Variants in ACSM3 observed in about 807,000 individuals in gnomAD.
ACSM3 encodes acyl-CoA synthetase medium chain family member 3.
ACSM3 carries 61 observed loss-of-function variants against 74.1 expected under a neutral mutation model. The ratio of observed to expected loss-of-function variants is 0.82; its 90% CI spans 0.67 to 1.02. The LOEUF is 1.02. Ranked by LOEUF, ACSM3 falls within the 50% of genes least tolerant of loss-of-function variation. The probability of loss-of-function intolerance (pLI) is 0.00; values close to 1 mark genes in which losing one functional copy is unlikely to be tolerated. For missense variants in ACSM3, 660 were observed against 697.0 expected (o/e 0.95, Z 0.60); for synonymous variants, 213 against 241.5 (o/e 0.88, Z 1.09).
intron 2 of ACSM3, among the ~76,000 whole-genome samples, chr16:20,771,820 C>T (rs953541216): frequency 2.0e-5 from 3 of 152,112 alleles, no homozygotes; most frequent in Non-Finnish European, 4.4e-5. Flanking sequence ...ATATTGTTTT[C>T]TGCAATGGCT....
chr16:20,718,024 AAGAAAAGAAAG>A (rs1289996349), intron 1 of ACSM3, among the ~76,000 whole-genome samples: 3 of 149,076 alleles, frequency 2.0e-5, no homozygotes, highest in African/African-American at 7.6e-5. Flanking sequence ...GAAGAAGAAG[AAGAAAAGAAAG>A]AAGAAGAAGA....
chr16:20,685,288 G>A, intron 1 of ACSM3: 1 of 1,614,220 alleles, frequency 6.2e-7, no homozygotes. Context: ...ACAGGTCTGT[G>A]TGAAGACGTT....
At chr16:20,739,813 T>A (rs2079901961) in intron 1 of ACSM3, among the ~76,000 whole-genome samples, 1 of 141,168 alleles carries the variant, frequency 7.1e-6, no homozygotes, top group South Asian at 2.3e-4. Flanking sequence ...AGAGCAAGAC[T>A]CTGTCTCAAA....
intron 1 of ACSM3, chr16:20,720,888 T>G (rs1193591977): frequency 6.6e-6 from 1 of 152,202 alleles, no homozygotes; most frequent in Non-Finnish European, 1.5e-5. Context: ...ACTTACAGAT[T>G]AAACATTTTT....
rs957872724 is a variant in ACSM3 at position 20,727,396 on chromosome 16, C to T, written c.-189-22514C>T. ...TTGACAGGAGGGGAGGCCCTCACCC[C>T]GGAGGTGCTGGAGCAGTGGAGGGCA... On this transcript the variant is annotated intron_variant, in intron 1 of 3. Transcript: ENST00000561584. The T allele has an allele frequency of 3.3e-5, 19 of 569,772 alleles. No individual in the cohort carries two copies. In the East Asian group the frequency reaches 4.3e-4, roughly 13 times the overall value. 35.3% of individuals were successfully genotyped at this position (569,772 alleles called of 1,614,324 possible). A position where few individuals can be genotyped will look rare whatever the true frequency, so the allele number is the denominator to read the frequency against.
chr16:20,792,022 T>C lies in ACSM3; in HGVS notation c.1347T>C (p.Ala449=), dbSNP rs769936361. ...TGCAGGATAATCCTTCAAAAACAGCTTCAACTCTACGAGGCAATTTCTATA... is the reference window on the plus strand; with the variant it reads ...TGCAGGATAATCCTTCAAAAACAGCCTCAACTCTACGAGGCAATTTCTATA... The part of the protein sequence containing the change: ...THYVDNPSKT[A]STLRGNFYIT... The change falls in exon 11 of 14, where the codon GCT becomes GCC. Residue 449 remains alanine (A), a synonymous_variant. Transcript: ENST00000289416. 1 of 1,614,086 alleles carries C rather than the reference T, an allele frequency of 6.2e-7. No individual in the cohort carries two copies. Among genetic ancestry groups the C allele is most frequent in the Non-Finnish European group, 8.5e-7 (1 of 1,179,972 alleles).
At chr16:20,795,273 G>A (rs1198514217) in intron 12 of ACSM3, among the ~76,000 whole-genome samples, 1 of 151,924 alleles carries the variant, frequency 6.6e-6, no homozygotes, top group African/African-American at 2.4e-5. Context: ...CTCCCACCTC[G>A]GCCTCCCAAA....
intron 1 of ACSM3, chr16:20,735,664 T>G (rs1195252391): frequency 6.6e-6 from 1 of 152,148 alleles, no homozygotes; most frequent in Non-Finnish European, 1.5e-5. Flanking sequence ...TCTGGCAGGC[T>G]CCTAGCAATA....
chr16:20,695,590 C>A (rs1435715370), intron 1 of ACSM3, among the ~76,000 whole-genome samples: 3 of 151,986 alleles, frequency 2.0e-5, no homozygotes, highest in African/African-American at 7.3e-5. Context: ...TATCTATTAT[C>A]TATCTATCAT....
At chr16:20,752,000 T>C (rs2079992200) in intron 2 of ACSM3, among the ~76,000 whole-genome samples, 1 of 152,090 alleles carries the variant, frequency 6.6e-6, no homozygotes, top group South Asian at 2.1e-4. Context: ...GGATATATAG[T>C]ACTACTTAGC....
rs576055444 is a variant in ACSM3, at chr16:20,793,836, T to C, written c.1554+1501T>C. On this transcript the variant is annotated intron_variant, in intron 12 of 13. Transcript: ENST00000289416. ...CTCCCCTACCATTAGTCATCATCAG[T>C]TTTACCCACCTAGACAGGTGCTTAC... Among the ~76,000 whole-genome samples the C allele has an allele frequency of 8.5e-5, 13 of 152,278 alleles. No homozygotes were observed. The South Asian group carries it at 2.7e-3, about 32-fold the overall frequency.
intron 1 of ACSM3, chr16:20,703,285 T>C (rs1046797275): frequency 2.6e-5 from 4 of 152,214 alleles, no homozygotes; most frequent in Admixed American, 2.0e-4. Flanking sequence ...AGGATTGTCT[T>C]GGCTATATGG....
At chr16:20,709,264 G>GA (rs1596482439) in intron 1 of ACSM3, among the ~76,000 whole-genome samples, 1 of 151,696 alleles carries the variant, frequency 6.6e-6, no homozygotes, top group East Asian at 1.9e-4. Context: ...AAAAAAGAAA[G>GA]AAAAAAATGA....
intron 1 of ACSM3, chr16:20,711,509 C>CA: frequency 7.1e-7 from 1 of 1,407,728 alleles, no homozygotes; most frequent in Non-Finnish European, 9.7e-7. Context: ...CAGCTGACAG[C>CA]AAAATATATC....
chr16:20,705,863 G>A (rs968667571), intron 1 of ACSM3, among the ~76,000 whole-genome samples: 2 of 152,062 alleles, frequency 1.3e-5, no homozygotes, highest in African/African-American at 2.4e-5. Context: ...TGTTCAATAT[G>A]AACAATAAAA....
rs754246453 is a variant in ACSM3 at position 20,777,594 on chromosome 16, CTTG to C, written c.638+19_638+21del. The C allele has an allele frequency of 7.4e-4, 1,186 of 1,605,246 alleles. No homozygotes were observed. Among genetic ancestry groups the C allele is most frequent in the Non-Finnish European group, 9.5e-4 (1,113 of 1,172,700 alleles). ...GGAGTTGATGAAGTGAGTAGCCACA[CTTG>C]TTGTAAAACAGCTTCCCAAAAGGAA... On this transcript the variant is annotated intron_variant, in intron 4 of 13. Transcript: ENST00000289416.
Position 20,709,169 on chromosome 16 carries a change from G to A in ACSM3, c.-190+34347G>A, listed in dbSNP as rs117261538. ...GCTGGATATCCACATGCTGAATGGC[G>A]TCAACCCAGGAGGCGGAGCTTACAG... is the stretch of plus-strand genomic sequence containing the variant. On this transcript the variant is annotated intron_variant, in intron 1 of 3. Transcript: ENST00000561584. Among the ~76,000 whole-genome samples, 223 of 152,194 alleles carry A rather than the reference G, an allele frequency of 1.5e-3. 3 individuals are homozygous for A. The East Asian group carries it at 0.025, about 17-fold the overall frequency.
intron 9 of ACSM3, among the ~76,000 whole-genome samples, chr16:20,788,554 AG>A (rs767168034): frequency 6.6e-6 from 1 of 152,206 alleles, no homozygotes; most frequent in Non-Finnish European, 1.5e-5. Flanking sequence ...TCCTTAGCTA[AG>A]GGCATCTGCA....
intron 1 of ACSM3, among the ~76,000 whole-genome samples, chr16:20,713,675 G>A (rs990766790): frequency 2.0e-5 from 3 of 152,098 alleles, no homozygotes; most frequent in Admixed American, 2.0e-4. Context: ...GCAATATTCT[G>A]TAGAGTCCCC....
Sources: allele counts gnomAD v4.1 joint callset (sites outside exome capture counted in the v4.1 genomes callset), GRCh38; gene constraint gnomAD v4.1.1; transcripts MANE v1.5; gene names NCBI Gene and HGNC (gene_info 2026-07-23, HGNC 2026-07-21).